The following MYO9A variants were observed in gnomAD, a reference collection of about 807,000 sequenced individuals.
The protein encoded by MYO9A is unconventional myosin-IXa.
MYO9A carries 103 observed loss-of-function variants against 293.3 expected under a neutral mutation model. That is an observed-to-expected ratio of 0.35 (90% CI 0.30 to 0.41). MYO9A has a LOEUF of 0.41. Ranked by LOEUF, MYO9A falls within the 10% of genes least tolerant of loss-of-function variation. The probability of loss-of-function intolerance (pLI) is 1.00; values close to 1 mark genes in which losing one functional copy is unlikely to be tolerated. For missense variants in MYO9A, 2,685 were observed against 3,033.0 expected, an observed-to-expected ratio of 0.89 and a Z score of 2.69; for synonymous variants, 1,001 against 1,035.7, an observed-to-expected ratio of 0.97 and a Z score of 0.64.
chr15:72,051,660 T>C (rs2078568393), intron 1 of MYO9A, among the ~76,000 whole-genome samples: 1 of 152,120 alleles, frequency 6.6e-6, no homozygotes, highest in African/African-American at 2.4e-5. Flanking sequence ...CTGGGCACTG[T>C]CACAGCCTGG....
chr15:72,115,436 T>C lies in MYO9A; in HGVS notation c.-72+2244A>G, dbSNP rs1373693549. ...ATAAAAACAAAATCCCACTCCTTCA[T>C]GGGAATCCCCACCTCAGTGAAAGGC... is the stretch of plus-strand genomic sequence containing the variant. On this transcript the variant is annotated intron_variant, in intron 1 of 41. Coordinates refer to ENST00000356056, the MANE Select transcript of MYO9A (RefSeq NM_006901.4). Among the ~76,000 whole-genome samples the C allele has an allele frequency of 2.6e-5, 4 of 152,308 alleles. No individual in the cohort carries two copies. The East Asian group carries it at 7.7e-4, about 29-fold the overall frequency.
intron 14 of MYO9A, among the ~76,000 whole-genome samples, chr15:71,953,376 T>G (rs547123853): frequency 6.6e-6 from 1 of 152,330 alleles, no homozygotes; most frequent in South Asian, 2.1e-4. Context: ...CCATTCAAAT[T>G]GTAAATTGAA....
chr15:71,899,865 G>T lies in MYO9A; in HGVS notation c.3292C>A (p.Arg1098=), dbSNP rs574455598. Residue 1098 remains arginine (R), a synonymous_variant, in exon 24 of 42, where the codon CGG becomes AGG. Transcript: ENST00000356056. ...HLERQRYLEL[R]AAAIVIQQKW... The stretch of plus-strand genomic sequence containing the variant: ...TGCTGGATAACGATGGCTGCAGCCC[G>T]TAACTCCAAGTACCGCTGCCTCTCT... 7.4e-6 allele frequency: 12 copies of T among 1,613,910 alleles called. No homozygotes were observed. The Admixed American group carries it at 2.0e-4, about 27-fold the overall frequency.
intron 1 of MYO9A, among the ~76,000 whole-genome samples, chr15:72,106,090 T>C (rs1388350029): frequency 6.6e-6 from 1 of 152,156 alleles, no homozygotes; most frequent in African/African-American, 2.4e-5. Flanking sequence ...TATTTTATTT[T>C]TGAAAGAAAA....
chr15:71,969,569 C>G (rs1436561677), intron 12 of MYO9A, among the ~76,000 whole-genome samples: 1 of 152,252 alleles, frequency 6.6e-6, no homozygotes, highest in East Asian at 1.9e-4. Context: ...CACTACTTCA[C>G]AGCAGTGTGC....
intron 15 of MYO9A, chr15:71,939,128 T>C (rs1003391747): frequency 1.0e-5 from 5 of 491,000 alleles, no homozygotes; most frequent in Non-Finnish European, 1.8e-5. Flanking sequence ...AATTTAATAA[T>C]GAAATATTTT....
At chr15:72,007,194 G>A (rs1315628645) in intron 8 of MYO9A, among the ~76,000 whole-genome samples, 2 of 152,084 alleles carry the variant, frequency 1.3e-5, no homozygotes, top group East Asian at 3.8e-4. Context: ...TATGCCAGAC[G>A]ATAGGGCCTA....
chr15:72,008,099 T>G, intron 7 of MYO9A, 147 bp from the exon 8 acceptor site: 2 of 982,084 alleles, frequency 2.0e-6, no homozygotes, highest in Non-Finnish European at 2.9e-6. Flanking sequence ...TTACTAAAAT[T>G]TACTGAGGGT....
intron 1 of MYO9A, among the ~76,000 whole-genome samples, chr15:72,064,126 T>C (rs1030709299): frequency 2.0e-5 from 3 of 152,008 alleles, no homozygotes; most frequent in African/African-American, 4.8e-5. Context: ...TTTGGACTCA[T>C]GAAAATAAAG....
chr15:71,990,172 C>T lies in MYO9A; in HGVS notation c.1722+931G>A, dbSNP rs866078409. On this transcript the variant is annotated intron_variant, in intron 11 of 41. Coordinates refer to ENST00000356056, the MANE Select transcript of MYO9A (RefSeq NM_006901.4). Reference sequence around the variant, plus strand: ...CAAACACAGCTCACTGCAACATACACCTCCCAGGCTCAGGTGATCCTCCCA... The same window carrying T: ...CAAACACAGCTCACTGCAACATACATCTCCCAGGCTCAGGTGATCCTCCCA... 6.0e-5 allele frequency among the ~76,000 whole-genome samples: 9 copies of T among 151,136 alleles called. No homozygotes were observed. The South Asian group carries it at 1.3e-3, about 21-fold the overall frequency.
intron 2 of MYO9A, among the ~76,000 whole-genome samples, chr15:72,033,480 G>A (rs2077942027): frequency 6.6e-6 from 1 of 152,062 alleles, no homozygotes; most frequent in Non-Finnish European, 1.5e-5. Flanking sequence ...ATGGAATACT[G>A]CCCAGGAATA....
At chr15:72,093,075 A>C (rs761596524) in intron 1 of MYO9A, among the ~76,000 whole-genome samples, 18 of 152,208 alleles carry the variant, frequency 1.2e-4, no homozygotes, top group Non-Finnish European at 2.6e-4. Context: ...AAGCACCACA[A>C]ATGAAAAGCA....
intron 14 of MYO9A, 146 bp from the exon 15 acceptor site, chr15:71,952,042 A>T: frequency 1.2e-6 from 1 of 807,050 alleles, no homozygotes; most frequent in Non-Finnish European, 1.7e-6. Flanking sequence ...GTTATATGTG[A>T]ATGTCCAATT....
intron 14 of MYO9A, among the ~76,000 whole-genome samples, chr15:71,956,679 A>C (rs2059204365): frequency 1.3e-5 from 2 of 150,474 alleles, no homozygotes; most frequent in Non-Finnish European, 3.0e-5. Flanking sequence ...ATCTATCTAT[A>C]TATCTCTCTT....
intron 18 of MYO9A, among the ~76,000 whole-genome samples, chr15:71,928,059 T>TA (rs1567282510): frequency 5.7e-4 from 4 of 7,002 alleles, no homozygotes; most frequent in African/African-American, 1.5e-3. Context: ...TATATATATT[T>TA]TTTTTTTTTT....
intron 1 of MYO9A, among the ~76,000 whole-genome samples, chr15:72,097,710 C>A (rs1379056180): frequency 6.6e-6 from 1 of 152,098 alleles, no homozygotes; most frequent in East Asian, 1.9e-4. Flanking sequence ...GAGATCAAGA[C>A]CATCCTGGCC....
chr15:71,845,095 C>CAAAA (rs1286798163), intron 39 of MYO9A, among the ~76,000 whole-genome samples: 1 of 152,108 alleles, frequency 6.6e-6, no homozygotes, highest in Non-Finnish European at 1.5e-5. Flanking sequence ...TGTTAAGTCA[C>CAAAA]AAAAATAGGA....
intron 1 of MYO9A, among the ~76,000 whole-genome samples, chr15:72,080,906 T>C (rs1447969750): frequency 2.0e-5 from 3 of 152,168 alleles, no homozygotes; most frequent in African/African-American, 7.2e-5. Context: ...TTCTTTTTGA[T>C]GGCTACACAG....
intron 2 of MYO9A, among the ~76,000 whole-genome samples, chr15:72,037,085 G>A: frequency 6.6e-6 from 1 of 151,408 alleles, no homozygotes; most frequent in East Asian, 1.9e-4. Flanking sequence ...ACCCAGACTG[G>A]AGTGCAGTGG....
Sources: gnomAD v4.1 joint callset for allele counts (sites outside exome capture counted in the v4.1 genomes callset) on GRCh38, gnomAD v4.1.1 for gene constraint, MANE v1.5 for transcripts, NCBI Gene and HGNC (gene_info 2026-07-23, HGNC 2026-07-21) for gene names.